The following MYO7B variants were observed in gnomAD, a reference collection of about 807,000 sequenced individuals.
The protein encoded by MYO7B is unconventional myosin-VIIb.
MYO7B carries 212 observed loss-of-function variants against 259.7 expected under a neutral mutation model. The ratio of observed to expected loss-of-function variants is 0.82; its 90% CI spans 0.73 to 0.91. The LOEUF (loss-of-function observed/expected upper bound fraction) is 0.91. Among genes scored for constraint, MYO7B ranks in the 40% least tolerant of loss-of-function variants. The pLI, the probability that MYO7B is intolerant of heterozygous loss-of-function variation, is 0.00. For missense variants in MYO7B, 2,732 were observed against 2,813.5 expected (o/e 0.97, Z 0.66); for synonymous variants, 1,197 against 1,166.4 (o/e 1.03, Z -0.54).
chr2:127,582,002 T>G lies in MYO7B; in HGVS notation c.1192T>G (p.Phe398Val), dbSNP rs756198328. 6.2e-6 allele frequency: 10 copies of G among 1,613,776 alleles called. No homozygotes were observed. The highest frequency in any genetic ancestry group is 1.3e-5 in the African/African-American group (1 of 75,034). The change falls in exon 11 of 48, where the codon TTT becomes GTT. Residue 398 changes from phenylalanine to valine, a missense_variant. This residue lies in a region of MYO7B where 1,906 missense variants were observed against 2,026.4 expected (regional missense o/e 0.94). Coordinates refer to ENST00000409816, the MANE Select transcript of MYO7B (RefSeq NM_001393586.1). ...IAQAADRRDA[F>V]VKGIYGHLFL... The stretch of plus-strand genomic sequence containing the variant: ...CCAGGCTGCTGACCGGAGGGACGCC[T>G]TTGTCAAGGTACAGAGCTGAGAGAG...
chr2:127,631,583 C>T lies in MYO7B; in HGVS notation c.5096-17C>T. On this transcript the variant is annotated splice_polypyrimidine_tract_variant and intron_variant, in intron 37 of 47. Coordinates refer to ENST00000409816, the MANE Select transcript of MYO7B (RefSeq NM_001393586.1). ...AGCGTGGGGCTGCCCCAGCACTGTGCTCCTTGACAGCCACACCCATCCTCC... is the reference window on the plus strand; with the variant it reads ...AGCGTGGGGCTGCCCCAGCACTGTGTTCCTTGACAGCCACACCCATCCTCC... 1 of 1,612,196 alleles carries T rather than the reference C, an allele frequency of 6.2e-7. No individual in the cohort carries two copies. Among genetic ancestry groups the T allele is most frequent in the Non-Finnish European group, 8.5e-7 (1 of 1,179,410 alleles).
At chr2:127,602,715 C>T (rs560045915) in intron 19 of MYO7B, among the ~76,000 whole-genome samples, 3 of 151,938 alleles carry the variant, frequency 2.0e-5, no homozygotes, top group Non-Finnish European at 2.9e-5. Flanking sequence ...AGAAGCAACT[C>T]CTGGCTGGCA....
chr2:127,628,100 C>T lies in MYO7B; in HGVS notation c.4461-272C>T, dbSNP rs544530919. 27 of 624,426 alleles carry T rather than the reference C, an allele frequency of 4.3e-5. No individual in the cohort carries two copies. Among genetic ancestry groups the T allele is most frequent in the Admixed American group, 1.7e-4 (8 of 47,528 alleles). The allele number at this position is 624,426 out of a possible 1,614,324, so 38.7% of individuals were successfully genotyped here. A position where few individuals can be genotyped will look rare whatever the true frequency, so the allele number is the denominator to read the frequency against. On this transcript the variant is annotated intron_variant, in intron 33 of 47. Coordinates refer to ENST00000409816, the MANE Select transcript of MYO7B (RefSeq NM_001393586.1). This position sits in a 1 kb window ranked among gnomAD's most constrained non-coding sequence, Gnocchi z 4.8. ...AGCTCTGACCTTTGCAGTGTCCCTG[C>T]GGTGTCACTGCACACCAGCCACCTC...
At chr2:127,587,726 G>A (rs914039303) in intron 14 of MYO7B, among the ~76,000 whole-genome samples, 2 of 151,994 alleles carry the variant, frequency 1.3e-5, no homozygotes, top group African/African-American at 4.8e-5. Flanking sequence ...ATGCCACCAT[G>A]CCTGGCTAAC....
At position 127,576,603 on chromosome 2, in the gene MYO7B, G is replaced by GGAGC. The variant is rs1213626889; in HGVS notation, c.746_749dup (p.Asn251AlafsTer16). The GGAGC allele has an allele frequency of 6.3e-7, 1 of 1,595,686 alleles. No homozygotes were observed. The highest frequency in any genetic ancestry group is 8.6e-7 in the Non-Finnish European group (1 of 1,166,492). On this transcript the variant is annotated frameshift_variant, in exon 8 of 48. Coordinates refer to ENST00000409816, the MANE Select transcript of MYO7B (RefSeq NM_001393586.1). LOFTEE classifies it high-confidence loss of function. The surrounding 1 kb of genome is among the most constrained non-coding windows in gnomAD (Gnocchi z 4.9). ...CCCTCCCTCCCTCCCAGGCTCCCGA[G>GGAGC]GAGCGGAACTACCATATCTTCTACT...
At chr2:127,557,219 C>G (rs1386187291) in intron 1 of MYO7B, among the ~76,000 whole-genome samples, 4 of 152,026 alleles carry the variant, frequency 2.6e-5, no homozygotes, top group Non-Finnish European at 4.4e-5. Flanking sequence ...TTTTGCATTT[C>G]TCTAAGTGTG....
Position 127,615,725 on chromosome 2 carries a change from C to T in MYO7B, c.3398+3122C>T, listed in dbSNP as rs898778896. On this transcript the variant is annotated intron_variant, in intron 26 of 47. Transcript: ENST00000409816. This position sits in a 1 kb window ranked among gnomAD's most constrained non-coding sequence, Gnocchi z 4.4. ...AGTTTGCTGTTTGCTCATATAGCCT[C>T]CAGTGGTATACTAGATCACGACTCT... Among the ~76,000 whole-genome samples, 3 of 151,882 alleles carry T rather than the reference C, an allele frequency of 2.0e-5. No homozygotes were observed. The highest frequency in any genetic ancestry group is 6.6e-5 in the Admixed American group (1 of 15,222).
chr2:127,567,292 C>T (rs1186857979), intron 5 of MYO7B, among the ~76,000 whole-genome samples: 1 of 151,646 alleles, frequency 6.6e-6, no homozygotes, highest in African/African-American at 2.4e-5. Flanking sequence ...CTTAAAGCTG[C>T]AGGAGTTGAA....
At chr2:127,621,158 C>T (rs952482635) in intron 27 of MYO7B, among the ~76,000 whole-genome samples, 1 of 152,298 alleles carries the variant, frequency 6.6e-6, no homozygotes, top group East Asian at 1.9e-4. Flanking sequence ...GCTGTTCCTC[C>T]CCACCCCAAG....
At chr2:127,560,545 C>T (rs964772664) in intron 2 of MYO7B, among the ~76,000 whole-genome samples, 3 of 152,180 alleles carry the variant, frequency 2.0e-5, no homozygotes, top group African/African-American at 4.8e-5. Flanking sequence ...CATTTACTGT[C>T]AAATCAACAG....
rs555796203 is a variant in MYO7B at position 127,567,206 on chromosome 2, C to T, written c.470+379C>T. Among the ~76,000 whole-genome samples the T allele has an allele frequency of 3.3e-5, 5 of 152,118 alleles. No individual in the cohort carries two copies. The South Asian group carries it at 6.2e-4, about 19-fold the overall frequency. ...ATTGCTTGAGGCCAGAAGTTTGAGA[C>T]CAGCCTAGACAACATAGCAAGACCC... On this transcript the variant is annotated intron_variant, in intron 5 of 47. Coordinates refer to ENST00000409816, the MANE Select transcript of MYO7B (RefSeq NM_001393586.1).
chr2:127,628,613 T>C lies in MYO7B; in HGVS notation c.4624+78T>C. Reference sequence around the variant, plus strand: ...GCATGGGGTCTGTAGGTAGGTGGCATGCTCATCTCCACACAGCAGCCACAA... The same window carrying C: ...GCATGGGGTCTGTAGGTAGGTGGCACGCTCATCTCCACACAGCAGCCACAA... On this transcript the variant is annotated intron_variant, in intron 34 of 47. Transcript: ENST00000409816. The surrounding 1 kb of genome is among the most constrained non-coding windows in gnomAD (Gnocchi z 4.8). 3 of 1,393,748 alleles carry C rather than the reference T, an allele frequency of 2.2e-6. No individual in the cohort carries two copies. Among genetic ancestry groups the C allele is most frequent in the Non-Finnish European group, 1.9e-6 (2 of 1,033,458 alleles). The allele number at this position is 1,393,748 out of a possible 1,614,324, so 86.3% of individuals were successfully genotyped here.
rs1479256903 is a variant in MYO7B at position 127,628,340 on chromosome 2, G to A, written c.4461-32G>A. 1 of 1,576,958 alleles carries A rather than the reference G, an allele frequency of 6.3e-7. No homozygotes were observed. The highest frequency in any genetic ancestry group is 1.8e-5 in the Admixed American group (1 of 55,016). On this transcript the variant is annotated intron_variant, in intron 33 of 47. Coordinates refer to ENST00000409816, the MANE Select transcript of MYO7B (RefSeq NM_001393586.1). The surrounding 1 kb of genome is among the most constrained non-coding windows in gnomAD (Gnocchi z 4.8). ...GGGCTGGATCAGGGGAAGGTGGAGG[G>A]GGCTCCTGGTCACGCTGTCCTTCAT... is the stretch of plus-strand genomic sequence containing the variant.
rs1486574261 is a variant in MYO7B at position 127,624,086 on chromosome 2, G to A, written c.3820-7G>A. On this transcript the variant is annotated splice_polypyrimidine_tract_variant and splice_region_variant and intron_variant, in intron 29 of 47. Transcript: ENST00000409816. ...CGCTAACCCCTGCTCCCCGACTCTG[G>A]CCTCAGTTCTGGTCCCTGGGCAGCG... 4.5e-6 allele frequency: 7 copies of A among 1,554,334 alleles called. No individual in the cohort carries two copies. Among genetic ancestry groups the A allele is most frequent in the Admixed American group, 1.9e-5 (1 of 52,462 alleles).
chr2:127,612,017 C>T (rs1188524910), intron 24 of MYO7B, among the ~76,000 whole-genome samples: 1 of 152,138 alleles, frequency 6.6e-6, no homozygotes, highest in East Asian at 1.9e-4. Flanking sequence ...TTTGTCTAGT[C>T]TCTTGCCTTC....
In MYO7B at chr2:127,637,418, C is replaced by A; in HGVS notation, c.*1C>A. 6.6e-7 allele frequency: 1 copy of A among 1,519,532 alleles called. No individual in the cohort carries two copies. 94.1% of individuals were successfully genotyped at this position (1,519,532 alleles called of 1,614,324 possible). ...GGCCCCAGCCCTGGCCAGCACCTAG[C>A]AGCGGATGCTGGCGTGTCTGCTCAG... On this transcript the variant is annotated 3_prime_UTR_variant, in exon 48 of 48. Coordinates refer to ENST00000409816, the MANE Select transcript of MYO7B (RefSeq NM_001393586.1).
At chr2:127,593,763 G>T in intron 18 of MYO7B, 119 bp downstream of exon 18, 1 of 904,564 alleles carries the variant, frequency 1.1e-6, no homozygotes, top group Non-Finnish European at 1.8e-6. Context: ...CTGGGCAGCA[G>T]CTCAAAGTGT....
At chr2:127,631,523 G>C (rs959296503) in intron 37 of MYO7B, 77 bp from the exon 38 acceptor site, 3 of 1,551,888 alleles carry the variant, frequency 1.9e-6, no homozygotes, top group Admixed American at 1.8e-5. Context: ...CCGCAGGGCC[G>C]GGGTCGGGGT....
intron 37 of MYO7B, 74 bp from the exon 38 acceptor site, chr2:127,631,526 G>A: frequency 6.4e-7 from 1 of 1,558,426 alleles, no homozygotes. Flanking sequence ...CAGGGCCGGG[G>A]TCGGGGTCAG....
Sources: allele counts gnomAD v4.1 joint callset (sites outside exome capture counted in the v4.1 genomes callset), GRCh38; gene constraint gnomAD v4.1.1; regional missense constraint gnomAD v4.1.1; non-coding constraint Gnocchi (gnomAD v3.1); transcripts MANE v1.5; gene names NCBI Gene and HGNC (gene_info 2026-07-23, HGNC 2026-07-21).